GNAO1: variants seen among roughly 807,000 people sequenced by gnomAD.
GNAO1 encodes G protein subunit alpha o1, also known as guanine nucleotide-binding protein G(o) subunit alpha.
For synonymous variants in GNAO1, 164 were observed against 180.7 expected (o/e 0.91, Z 0.74); for missense variants, 166 against 478.7 (o/e 0.35, Z 6.10).
At chr16:56,205,009 C>G (rs2036314564) in intron 2 of GNAO1, among the ~76,000 whole-genome samples, 1 of 152,014 alleles carries the variant, frequency 6.6e-6, no homozygotes, top group Non-Finnish European at 1.5e-5. Flanking sequence ...CCTTGGCCAC[C>G]CCCAACTGAC....
At chr16:56,238,413 G>A (rs1474080249) in intron 2 of GNAO1, among the ~76,000 whole-genome samples, 1 of 152,214 alleles carries the variant, frequency 6.6e-6, no homozygotes, top group Non-Finnish European at 1.5e-5. Context: ...AACACCTTGG[G>A]GCTGAGACCA....
At chr16:56,346,030 G>A (rs2037864259) in intron 6 of GNAO1, 1 of 985,256 alleles carries the variant, frequency 1.0e-6, no homozygotes, top group African/African-American at 1.7e-5. Context: ...TAGAACTGGG[G>A]CTGGAGGAGT....
At chr16:56,284,461 C>T (rs2037145482) in intron 3 of GNAO1, among the ~76,000 whole-genome samples, 1 of 152,200 alleles carries the variant, frequency 6.6e-6, no homozygotes, top group Non-Finnish European at 1.5e-5. Context: ...CTTTCCTTGA[C>T]CATCATCTAA....
chr16:56,283,420 T>A (rs1215883376), intron 3 of GNAO1, among the ~76,000 whole-genome samples: 1 of 152,220 alleles, frequency 6.6e-6, no homozygotes, highest in Admixed American at 6.5e-5. Context: ...GGTAGCTCTT[T>A]GGGAGGCAGA....
rs141332749 is a variant in GNAO1, at chr16:56,257,847, C to T, written c.162-18084C>T. The stretch of plus-strand genomic sequence containing the variant: ...AGGCTGGTAGACTGAGGGCTGTGGG[C>T]GTAGACTGACACCTGATGGGGCGTG... On this transcript the variant is annotated intron_variant, in intron 2 of 8. Coordinates refer to ENST00000262493, the MANE Select transcript of GNAO1 (RefSeq NM_020988.3). Among the ~76,000 whole-genome samples, 15 of 152,290 alleles carry T rather than the reference C, an allele frequency of 9.8e-5. No individual in the cohort carries two copies. In the East Asian group the frequency reaches 1.2e-3, roughly 12 times the overall value.
At chr16:56,343,720 A>G in intron 6 of GNAO1, 2 of 1,537,548 alleles carry the variant, frequency 1.3e-6, no homozygotes, top group Non-Finnish European at 1.8e-6. Flanking sequence ...AAGCAGTCCC[A>G]TGGGCCTCTC....
intron 2 of GNAO1, chr16:56,213,243 T>C: frequency 2.5e-6 from 1 of 398,640 alleles, no homozygotes; most frequent in South Asian, 1.3e-4. Context: ...TTATTCTTTC[T>C]TTCTTCTTTT....
intron 2 of GNAO1, among the ~76,000 whole-genome samples, chr16:56,250,730 C>T (rs185389352): frequency 7.9e-5 from 12 of 152,260 alleles, no homozygotes; most frequent in African/African-American, 2.9e-4. Context: ...CTCTGCTTTC[C>T]TCCATGTTAA....
At chr16:56,320,047 G>A (rs1201776902) in intron 3 of GNAO1, among the ~76,000 whole-genome samples, 2 of 152,188 alleles carry the variant, frequency 1.3e-5, no homozygotes, top group African/African-American at 4.8e-5. Flanking sequence ...ATAAAAATAT[G>A]TTCATGCTGT....
At chr16:56,251,991 A>G (rs1384441261) in intron 2 of GNAO1, among the ~76,000 whole-genome samples, 4 of 152,184 alleles carry the variant, frequency 2.6e-5, no homozygotes, top group Admixed American at 2.6e-4. Flanking sequence ...GCCCTGGTGC[A>G]TGGGCAACAA....
At chr16:56,209,459 A>G (rs2036364734) in intron 2 of GNAO1, among the ~76,000 whole-genome samples, 1 of 152,154 alleles carries the variant, frequency 6.6e-6, no homozygotes, top group African/African-American at 2.4e-5. Flanking sequence ...GCTTGCATGT[A>G]AATGTTAGAA....
At chr16:56,300,008 C>CGTGTATGTGT (rs2037325581) in intron 3 of GNAO1, among the ~76,000 whole-genome samples, 1 of 129,698 alleles carries the variant, frequency 7.7e-6, no homozygotes, top group Admixed American at 7.8e-5. Flanking sequence ...GATTGGGGTT[C>CGTGTATGTGT]GTGTGTGTGT....
intron 3 of GNAO1, among the ~76,000 whole-genome samples, chr16:56,279,237 G>A (rs1175167344): frequency 2.0e-5 from 3 of 152,200 alleles, no homozygotes; most frequent in Non-Finnish European, 2.9e-5. Flanking sequence ...GAGTTCCCCC[G>A]GCAGCTGACT....
At position 56,345,157 on chromosome 16, in the gene GNAO1, C is replaced by CG. The variant is rs2037853188; in HGVS notation, c.724-6225dup. On this transcript the variant is annotated intron_variant, in intron 6 of 8. Transcript: ENST00000262493. ...GGGGCGGGGTAGCTTCTCCCGGTGA[C>CG]GGTGACGCAGGTCTGGCTGGCCTTG... is the stretch of plus-strand genomic sequence containing the variant. 1.1e-5 allele frequency: 11 copies of CG among 985,770 alleles called. No homozygotes were observed. In the South Asian group the frequency reaches 4.7e-4, roughly 42 times the overall value. The allele number at this position is 985,770 out of a possible 1,614,324, so 61.1% of individuals were successfully genotyped here. A position where few individuals can be genotyped will look rare whatever the true frequency, so the allele number is the denominator to read the frequency against.
In GNAO1 at chr16:56,351,640, A is replaced by C; in HGVS notation, c.877+103A>C. The C allele has an allele frequency of 1.1e-6, 1 of 888,700 alleles. No homozygotes were observed. Among genetic ancestry groups the C allele is most frequent in the Non-Finnish European group, 1.8e-6 (1 of 569,494 alleles). The allele number at this position is 888,700 out of a possible 1,614,324, so 55.1% of individuals were successfully genotyped here. ...CCAGCACTGCTGGGGCTAGCTGGCG[A>C]GCGGGACCCATTGCAGGAGACTGGT... is the stretch of plus-strand genomic sequence containing the variant. On this transcript the variant is annotated intron_variant, in intron 7 of 8. Transcript: ENST00000262493. The surrounding 1 kb of genome is among the most constrained non-coding windows in gnomAD (Gnocchi z 6.1).
chr16:56,229,648 GATGA>G (rs1172954590), intron 2 of GNAO1, among the ~76,000 whole-genome samples: 1 of 148,750 alleles, frequency 6.7e-6, no homozygotes, highest in African/African-American at 2.5e-5. Context: ...TGGATGGATG[GATGA>G]ATAAATAGAT....
chr16:56,260,310 A>T (rs565558684), intron 2 of GNAO1, among the ~76,000 whole-genome samples: 1 of 152,224 alleles, frequency 6.6e-6, no homozygotes, highest in East Asian at 1.9e-4. Context: ...TCCAGATGAG[A>T]GTCTGAGAGA....
chr16:56,276,366 G>A, intron 3 of GNAO1: 2 of 263,930 alleles, frequency 7.6e-6, no homozygotes, highest in Non-Finnish European at 7.2e-6. Context: ...CACTGTCTAA[G>A]TACCTGTCCT....
At chr16:56,253,705 A>C (rs2036820226) in intron 2 of GNAO1, among the ~76,000 whole-genome samples, 1 of 152,160 alleles carries the variant, frequency 6.6e-6, no homozygotes, top group Non-Finnish European at 1.5e-5. Context: ...GTATGCACAG[A>C]CATGTGTAGC....
Sources: gnomAD v4.1 joint callset for allele counts (sites outside exome capture counted in the v4.1 genomes callset) on GRCh38, gnomAD v4.1.1 for gene constraint, Gnocchi (gnomAD v3.1) non-coding constraint, MANE v1.5 for transcripts, NCBI Gene and HGNC (gene_info 2026-07-23, HGNC 2026-07-21) for gene names.